CHRM2: variants seen among roughly 807,000 people sequenced by gnomAD.
CHRM2 encodes the protein muscarinic acetylcholine receptor M2.
CHRM2 carries 8 observed loss-of-function variants against 25.0 expected under a neutral mutation model. That is an observed-to-expected ratio of 0.32 (90% CI 0.19 to 0.58). The LOEUF is 0.58. Ranked by LOEUF, CHRM2 falls within the 20% of genes least tolerant of loss-of-function variation. The probability of loss-of-function intolerance (pLI) is 0.88; values close to 1 mark genes in which losing one functional copy is unlikely to be tolerated. For missense variants in CHRM2, 440 were observed against 567.1 expected (o/e 0.78, Z 2.28); for synonymous variants, 202 against 205.7 (o/e 0.98, Z 0.15).
intron 2 of CHRM2, among the ~76,000 whole-genome samples, chr7:136,900,603 T>G (rs945925402): frequency 6.6e-6 from 1 of 152,050 alleles, no homozygotes. Flanking sequence ...AGGTTTCTAT[T>G]AAGCTGGGCA....
chr7:136,951,752 C>G (rs905388686), intron 2 of CHRM2, among the ~76,000 whole-genome samples: 1 of 152,150 alleles, frequency 6.6e-6, no homozygotes, highest in Non-Finnish European at 1.5e-5. Context: ...TCACTGTAAG[C>G]ACTGGATCAC....
chr7:136,933,049 C>CATAAATAAATAA (rs1270895095), intron 2 of CHRM2, among the ~76,000 whole-genome samples: 3 of 120,300 alleles, frequency 2.5e-5, no homozygotes, highest in African/African-American at 7.6e-5. Flanking sequence ...TAAATAAATA[C>CATAAATAAATAA]ATAAATAAAT....
intron 2 of CHRM2, among the ~76,000 whole-genome samples, chr7:136,938,046 G>A (rs547017383): frequency 2.3e-4 from 35 of 152,286 alleles, no homozygotes; most frequent in Non-Finnish European, 4.6e-4. Context: ...ATCACTGAAC[G>A]TAATGGTGTA....
At chr7:136,885,136 A>G (rs1796413434) in intron 2 of CHRM2, among the ~76,000 whole-genome samples, 1 of 152,244 alleles carries the variant, frequency 6.6e-6, no homozygotes, top group Admixed American at 6.5e-5. Flanking sequence ...TCATCTTCAT[A>G]GAGACCCAAA....
chr7:136,950,231 A>G (rs1800325115), intron 2 of CHRM2, among the ~76,000 whole-genome samples: 1 of 152,190 alleles, frequency 6.6e-6, no homozygotes, highest in African/African-American at 2.4e-5. Context: ...ATCTCATTAA[A>G]TGTAGAGTTT....
intron 2 of CHRM2, among the ~76,000 whole-genome samples, chr7:136,891,860 T>C (rs1455987467): frequency 2.0e-5 from 3 of 152,216 alleles, no homozygotes; most frequent in African/African-American, 7.2e-5. Context: ...CAGAAGTCCT[T>C]TCCCTGTGAA....
intron 3 of CHRM2, among the ~76,000 whole-genome samples, 156 bp downstream of exon 3, chr7:136,992,420 G>C (rs186505707): frequency 1.8e-4 from 27 of 152,204 alleles, no homozygotes; most frequent in Admixed American, 1.7e-3. Flanking sequence ...CTGGGTTGTC[G>C]TGTTAGGATA....
intron 2 of CHRM2, among the ~76,000 whole-genome samples, chr7:136,895,151 T>C (rs1182589159): frequency 6.6e-6 from 1 of 152,220 alleles, no homozygotes; most frequent in South Asian, 2.1e-4. Flanking sequence ...TTTATAGTTA[T>C]ACAAAGTATT....
intron 2 of CHRM2, among the ~76,000 whole-genome samples, chr7:136,968,009 G>A (rs111353157): frequency 0.01 from 1,575 of 151,976 alleles, 29 homozygotes; most frequent in African/African-American, 0.036. Flanking sequence ...ATAAGAAAGT[G>A]GACATTGTGT....
At chr7:136,887,419 CA>C (rs1796510256) in intron 2 of CHRM2, among the ~76,000 whole-genome samples, 1 of 152,056 alleles carries the variant, frequency 6.6e-6, no homozygotes, top group Non-Finnish European at 1.5e-5. Flanking sequence ...CAAGGTGACA[CA>C]GCTTGAATGA....
chr7:136,904,230 A>G (rs1797405255), intron 2 of CHRM2, among the ~76,000 whole-genome samples: 1 of 151,876 alleles, frequency 6.6e-6, no homozygotes, highest in Non-Finnish European at 1.5e-5. Flanking sequence ...AACGATGATC[A>G]ATTCTCTAAA....
At chr7:136,925,437 A>G (rs1798687974) in intron 2 of CHRM2, among the ~76,000 whole-genome samples, 1 of 152,198 alleles carries the variant, frequency 6.6e-6, no homozygotes. Context: ...CTACAGAACA[A>G]TTAAGTGGTA....
chr7:137,015,904 G>T lies in CHRM2; in HGVS notation c.1039G>T (p.Val347Leu). 6.2e-7 allele frequency: 1 copy of T among 1,613,160 alleles called. No individual in the cohort carries two copies. Among genetic ancestry groups the T allele is most frequent in the Non-Finnish European group, 8.5e-7 (1 of 1,179,488 alleles). Residue 347 changes from valine (V) to leucine (L), a missense_variant, in exon 4 of 4, where the codon GTG becomes TTG. Physicochemically the swap from Val to Leu is conservative, Grantham distance 32. This residue lies in a region of CHRM2 where 261 missense variants were observed against 261.8 expected (regional missense o/e 1.00). Coordinates refer to ENST00000680005, the MANE Select transcript of CHRM2 (RefSeq NM_001006630.2). The surrounding 1 kb of genome is among the most constrained non-coding windows in gnomAD (Gnocchi z 5.1). ...CCCAACTAATACCACCGTGGAGGTA[G>T]TGGGGTCTTCAGGTCAGAATGGAGA... ...CTPTNTTVEV[V>L]GSSGQNGDEK...
intron 3 of CHRM2, among the ~76,000 whole-genome samples, chr7:136,992,699 C>A (rs1350305000): frequency 6.6e-6 from 1 of 152,150 alleles, no homozygotes; most frequent in African/African-American, 2.4e-5. Flanking sequence ...AACGTAACTA[C>A]CATCAGTAAC....
chr7:136,919,856 G>C (rs1001731443), intron 2 of CHRM2, among the ~76,000 whole-genome samples: 1 of 151,980 alleles, frequency 6.6e-6, no homozygotes, highest in African/African-American at 2.4e-5. Flanking sequence ...AGCTCTATTG[G>C]GTTCTTATGT....
At chr7:136,916,860 CTA>C (rs1393774491) in intron 2 of CHRM2, among the ~76,000 whole-genome samples, 1 of 151,384 alleles carries the variant, frequency 6.6e-6, no homozygotes, top group African/African-American at 2.4e-5. Flanking sequence ...CTCTCTGTCA[CTA>C]TGTGTGTGTG....
rs139091461 is a variant in CHRM2 at position 136,923,453 on chromosome 7, C to G, written c.-125+54035C>G. On this transcript the variant is annotated intron_variant, in intron 2 of 3. Transcript: ENST00000680005. ...GTATGAAATTTCCTTGTTAGCCAAG[C>G]AACTGATGAGCTGTTTCAATCCAAT... Among the ~76,000 whole-genome samples the G allele has an allele frequency of 3.4e-3, 512 of 152,162 alleles. 4 individuals are homozygous for G. Among genetic ancestry groups the G allele is most frequent in the Non-Finnish European group, 5.8e-3 (397 of 67,982 alleles).
chr7:137,004,003 CTG>C (rs1804249800), intron 3 of CHRM2, among the ~76,000 whole-genome samples: 1 of 152,126 alleles, frequency 6.6e-6, no homozygotes, highest in Non-Finnish European at 1.5e-5. Flanking sequence ...TCCTGTGAAA[CTG>C]TGGGTCAATT....
chr7:136,905,866 T>A (rs1314152072), intron 2 of CHRM2, among the ~76,000 whole-genome samples: 1 of 151,562 alleles, frequency 6.6e-6, no homozygotes, highest in African/African-American at 2.4e-5. Context: ...TTTTTAAATT[T>A]AATTGCTTCT....
Sources: gnomAD v4.1 joint callset for allele counts (sites outside exome capture counted in the v4.1 genomes callset) on GRCh38, gnomAD v4.1.1 for gene constraint, gnomAD v4.1.1 regional missense constraint, Gnocchi (gnomAD v3.1) non-coding constraint, MANE v1.5 for transcripts, NCBI Gene and HGNC (gene_info 2026-07-23, HGNC 2026-07-21) for gene names.